Variants in SPAG17 observed in about 807,000 individuals in gnomAD.
SPAG17 encodes the protein sperm associated antigen 17, also known as sperm-associated antigen 17.
A neutral mutation model predicts 273.6 loss-of-function variants in SPAG17; 169 were observed. That is an observed-to-expected ratio of 0.62 (90% CI 0.55 to 0.70). SPAG17 has a LOEUF of 0.70. Ranked by LOEUF, SPAG17 falls within the 30% of genes least tolerant of loss-of-function variation. SPAG17 has a pLI of 0.00. For synonymous variants in SPAG17, 825 were observed against 873.2 expected (o/e 0.94, Z 0.97); for missense variants, 2,557 against 2,627.8 (o/e 0.97, Z 0.59).
rs1158255566 is a variant in SPAG17 at position 118,146,783 on chromosome 1, A to G, written c.315+3760T>C. Reference sequence around the variant, plus strand: ...ATCCAAATTCTTCATTTTGCTAGTGAGCAGACTTCCTACCTTCTCTATGCC... The same window carrying G: ...ATCCAAATTCTTCATTTTGCTAGTGGGCAGACTTCCTACCTTCTCTATGCC... On this transcript the variant is annotated intron_variant, in intron 3 of 48. Transcript: ENST00000336338. Among the ~76,000 whole-genome samples the G allele has an allele frequency of 2.6e-5, 4 of 152,318 alleles. No homozygotes were observed. In the East Asian group the frequency reaches 5.8e-4, roughly 22 times the overall value.
chr1:118,028,812 T>A (rs1480091270), intron 25 of SPAG17, among the ~76,000 whole-genome samples: 1 of 152,160 alleles, frequency 6.6e-6, no homozygotes, highest in African/African-American at 2.4e-5. Flanking sequence ...TGTGACAGTA[T>A]TAAAGGTGGG....
At chr1:118,048,158 C>T (rs973438202) in intron 20 of SPAG17, among the ~76,000 whole-genome samples, 1 of 152,190 alleles carries the variant, frequency 6.6e-6, no homozygotes, top group African/African-American at 2.4e-5. Context: ...GACTCAGGCT[C>T]CATGCCCATC....
At chr1:118,079,506 A>T (rs1654364621) in intron 15 of SPAG17, among the ~76,000 whole-genome samples, 1 of 151,980 alleles carries the variant, frequency 6.6e-6, no homozygotes, top group South Asian at 2.1e-4. Flanking sequence ...ATTTATCAAT[A>T]TTGTTAGTCT....
intron 17 of SPAG17, among the ~76,000 whole-genome samples, chr1:118,069,502 T>C (rs1408271174): frequency 6.6e-6 from 1 of 152,130 alleles, no homozygotes; most frequent in Non-Finnish European, 1.5e-5. Context: ...ACTTGAATGA[T>C]GGTGACCTTT....
chr1:118,002,349 C>A (rs1302052761), intron 32 of SPAG17, among the ~76,000 whole-genome samples: 2 of 152,168 alleles, frequency 1.3e-5, no homozygotes, highest in African/African-American at 4.8e-5. Flanking sequence ...CTGCTTGGTG[C>A]AGAACTGAGT....
chr1:118,091,393 T>C (rs1655360107), intron 10 of SPAG17, among the ~76,000 whole-genome samples: 1 of 152,166 alleles, frequency 6.6e-6, no homozygotes, highest in African/African-American at 2.4e-5. Context: ...TCAGGGAATG[T>C]TACATAAATG....
intron 3 of SPAG17, among the ~76,000 whole-genome samples, chr1:118,138,718 G>A (rs766863353): frequency 3.2e-4 from 48 of 152,110 alleles, no homozygotes; most frequent in Non-Finnish European, 2.5e-4. Flanking sequence ...AATTACTACC[G>A]TTAAAATGGC....
chr1:118,069,462 CA>C (rs532944729), intron 17 of SPAG17, among the ~76,000 whole-genome samples: 35 of 151,554 alleles, frequency 2.3e-4, no homozygotes, highest in African/African-American at 8.5e-4. Flanking sequence ...GAGGTTGGAA[CA>C]AAGGATGATT....
rs1048152239 is a variant in SPAG17, at chr1:117,989,868, C to T, written c.5521+993G>A. 2.0e-5 allele frequency among the ~76,000 whole-genome samples: 3 copies of T among 152,230 alleles called. No individual in the cohort carries two copies. The East Asian group carries it at 5.8e-4, about 29-fold the overall frequency. ...GTGCTAGGATTACAGGCAAGAGCCACCAGGCCGGGCCTGGGGATCAAATTT... is the reference window on the plus strand; with the variant it reads ...GTGCTAGGATTACAGGCAAGAGCCATCAGGCCGGGCCTGGGGATCAAATTT... On this transcript the variant is annotated intron_variant, in intron 38 of 48. Coordinates refer to ENST00000336338, the MANE Select transcript of SPAG17 (RefSeq NM_206996.4).
rs370034706 is a variant in SPAG17, at chr1:118,072,530, T to C, written c.2385+1324A>G. 9.8e-5 allele frequency among the ~76,000 whole-genome samples: 15 copies of C among 152,322 alleles called. No homozygotes were observed. The East Asian group carries it at 1.5e-3, about 16-fold the overall frequency. On this transcript the variant is annotated intron_variant, in intron 17 of 48. Transcript: ENST00000336338. ...AGAATATCTGTTATGTTTGAATGTA[T>C]TGAGTGACTTACTCAGTAGTAGAGA...
In SPAG17 at chr1:118,041,945, C is replaced by T; in HGVS notation, c.2912G>A (p.Gly971Asp). ...ATCCTCTTTCTCTGCGTTATCCTTG[C>T]CTTTCTTTTTACCAGCTTCTTTACC... is the stretch of plus-strand genomic sequence containing the variant. ...KKGKEAGKKK[G>D]KDNAEKEDSR... The change falls in exon 21 of 49, where the codon GGC becomes GAC. Residue 971 changes from glycine to aspartate, a missense_variant. Transcript: ENST00000336338. The T allele has an allele frequency of 3.7e-6, 6 of 1,613,896 alleles. No individual in the cohort carries two copies. The highest frequency in any genetic ancestry group is 2.2e-5 in the East Asian group (1 of 44,850).
intron 43 of SPAG17, among the ~76,000 whole-genome samples, chr1:117,976,374 G>A (rs575314551): frequency 1.8e-4 from 28 of 152,316 alleles, no homozygotes; most frequent in African/African-American, 6.7e-4. Context: ...TTGTTACCAT[G>A]CTGAGGAAGG....
intron 1 of SPAG17, among the ~76,000 whole-genome samples, chr1:118,165,645 C>T (rs866875881): frequency 0.011 from 1,206 of 108,304 alleles, 19 homozygotes; most frequent in Middle Eastern, 0.037. Flanking sequence ...AAAAAACTTT[C>T]TTTTTTTTTT....
At chr1:118,131,082 T>C (rs1277566058) in intron 3 of SPAG17, among the ~76,000 whole-genome samples, 1 of 152,172 alleles carries the variant, frequency 6.6e-6, no homozygotes, top group African/African-American at 2.4e-5. Flanking sequence ...CAGATCACAG[T>C]TTAGACACTT....
At chr1:118,107,649 C>G (rs1656485460) in intron 4 of SPAG17, among the ~76,000 whole-genome samples, 1 of 152,042 alleles carries the variant, frequency 6.6e-6, no homozygotes, top group Non-Finnish European at 1.5e-5. Flanking sequence ...TGCATGCCAC[C>G]ATGCCCAGCT....
In SPAG17 at chr1:118,003,494, T is replaced by C. The variant is rs577111514; in HGVS notation, c.4776+1920A>G. Among the ~76,000 whole-genome samples, 175 of 152,330 alleles carry C rather than the reference T, an allele frequency of 1.1e-3. 2 individuals carry two copies. Among genetic ancestry groups the C allele is most frequent in the African/African-American group, 4.0e-3 (166 of 41,584 alleles). ...TAGATTTCATCTTTTCACATAGTCC[T>C]GTATTTCTTGGAGGCTTTGTTTGTT... is the stretch of plus-strand genomic sequence containing the variant. On this transcript the variant is annotated intron_variant, in intron 32 of 48. Transcript: ENST00000336338.
At chr1:117,971,012 T>G (rs949883102) in intron 45 of SPAG17, among the ~76,000 whole-genome samples, 12 of 152,028 alleles carry the variant, frequency 7.9e-5, no homozygotes, top group Admixed American at 5.2e-4. Flanking sequence ...CTGAAATAAC[T>G]GAAATGGGAC....
intron 43 of SPAG17, among the ~76,000 whole-genome samples, chr1:117,980,380 C>T (rs368928197): frequency 4.6e-5 from 7 of 151,998 alleles, no homozygotes; most frequent in African/African-American, 7.3e-5. Flanking sequence ...TACAGGCAAG[C>T]GCCACCATGC....
chr1:118,137,150 T>C (rs1292475915), intron 3 of SPAG17, among the ~76,000 whole-genome samples: 1 of 152,200 alleles, frequency 6.6e-6, no homozygotes, highest in African/African-American at 2.4e-5. Context: ...ACAAAAGATG[T>C]AGGTCTTGGC....
Sources: allele counts gnomAD v4.1 joint callset (sites outside exome capture counted in the v4.1 genomes callset), GRCh38; gene constraint gnomAD v4.1.1; transcripts MANE v1.5; gene names NCBI Gene and HGNC (gene_info 2026-07-23, HGNC 2026-07-21).